Variants in CDH6 observed in about 807,000 individuals in gnomAD.
CDH6 encodes the protein cadherin-6.
A neutral mutation model predicts 78.0 loss-of-function variants in CDH6; 31 were observed. The observed-to-expected ratio is 0.40, with a 90% CI of 0.30 to 0.54. The LOEUF (loss-of-function observed/expected upper bound fraction) is 0.54, where lower values mean the gene tolerates loss of function less well. Among genes scored for constraint, CDH6 ranks in the 20% least tolerant of loss-of-function variants. CDH6 has a pLI of 0.56. For synonymous variants in CDH6, 376 were observed against 368.8 expected (o/e 1.02, Z -0.23); for missense variants, 724 against 975.9 (o/e 0.74, Z 3.44).
intron 1 of CDH6, among the ~76,000 whole-genome samples, chr5:31,228,447 T>C (rs1380067859): frequency 6.6e-6 from 1 of 152,170 alleles, no homozygotes; most frequent in African/African-American, 2.4e-5. Context: ...TTCCAAACTT[T>C]GTGGAATGGA....
At chr5:31,277,799 A>C (rs1248310383) in intron 2 of CDH6, among the ~76,000 whole-genome samples, 1 of 152,230 alleles carries the variant, frequency 6.6e-6, no homozygotes, top group African/African-American at 2.4e-5. Flanking sequence ...TACTTGAATT[A>C]AGCTACAGTG....
intron 7 of CDH6, among the ~76,000 whole-genome samples, chr5:31,309,449 G>A (rs1416882470): frequency 4.6e-5 from 7 of 152,090 alleles, no homozygotes; most frequent in African/African-American, 1.2e-4. Flanking sequence ...ATAATTCCAC[G>A]TATATCTGCC....
intron 1 of CDH6, among the ~76,000 whole-genome samples, chr5:31,259,241 G>T (rs998646820): frequency 4.6e-5 from 7 of 152,142 alleles, no homozygotes; most frequent in African/African-American, 1.7e-4. Flanking sequence ...AACACTTTAT[G>T]CAAGTATTAG....
rs535229045 is a variant in CDH6 at position 31,297,692 on chromosome 5, G to T, written c.643+284G>T. ...GAAGCTAAAAGGTAAACCCCTTTTTGATAGTATTGGCCTGTTTACAGATAT... is the reference window on the plus strand; with the variant it reads ...GAAGCTAAAAGGTAAACCCCTTTTTTATAGTATTGGCCTGTTTACAGATAT... On this transcript the variant is annotated intron_variant, in intron 4 of 11. Transcript: ENST00000265071. 3.3e-5 allele frequency among the ~76,000 whole-genome samples: 5 copies of T among 152,144 alleles called. No homozygotes were observed. The East Asian group carries it at 7.7e-4, about 23-fold the overall frequency.
At chr5:31,292,218 G>A (rs544813293) in intron 2 of CDH6, among the ~76,000 whole-genome samples, 1 of 152,054 alleles carries the variant, frequency 6.6e-6, no homozygotes, top group African/African-American at 2.4e-5. Context: ...CTGGTATGGG[G>A]GATATCGATA....
intron 6 of CDH6, 67 bp downstream of exon 6, chr5:31,302,365 AG>A: frequency 8.8e-7 from 1 of 1,135,072 alleles, no homozygotes; most frequent in African/African-American, 1.5e-5. Context: ...CTAAGTTACC[AG>A]GGGCAATTAT....
intron 1 of CDH6, among the ~76,000 whole-genome samples, chr5:31,241,198 ACT>A (rs1029214387): frequency 3.9e-5 from 6 of 152,066 alleles, no homozygotes; most frequent in South Asian, 2.1e-4. Flanking sequence ...GGCCATCAAT[ACT>A]CTCTGTGTGG....
chr5:31,216,876 G>T (rs531898459), intron 1 of CDH6, among the ~76,000 whole-genome samples: 3 of 152,084 alleles, frequency 2.0e-5, no homozygotes, highest in Admixed American at 6.6e-5. Context: ...ATGAAGTTTA[G>T]AAATATGTGA....
At chr5:31,302,363 C>G (rs1482134695) in intron 6 of CDH6, 65 bp downstream of exon 6, 1 of 1,169,698 alleles carries the variant, frequency 8.5e-7, no homozygotes, top group Non-Finnish European at 1.2e-6. Flanking sequence ...TCCTAAGTTA[C>G]CAGGGGCAAT....
At chr5:31,199,186 C>T (rs1240204532) in intron 1 of CDH6, among the ~76,000 whole-genome samples, 2 of 151,686 alleles carry the variant, frequency 1.3e-5, no homozygotes, top group Admixed American at 6.6e-5. Context: ...GACAGCAACC[C>T]CTCACCTCTT....
chr5:31,199,685 G>GTATATTTA (rs1740291154), intron 1 of CDH6, among the ~76,000 whole-genome samples: 1 of 79,852 alleles, frequency 1.3e-5, no homozygotes, highest in Admixed American at 1.5e-4. Context: ...GTGTGTGTGT[G>GTATATTTA]TATATATATA....
intron 1 of CDH6, among the ~76,000 whole-genome samples, chr5:31,211,663 G>GT (rs561287034): frequency 5.3e-5 from 8 of 151,658 alleles, no homozygotes; most frequent in South Asian, 4.2e-4. Flanking sequence ...TTCTGGGGTT[G>GT]TTTTTTTTCA....
intron 1 of CDH6, among the ~76,000 whole-genome samples, chr5:31,202,335 C>T (rs548955693): frequency 2.0e-5 from 3 of 152,220 alleles, no homozygotes; most frequent in Admixed American, 6.5e-5. Context: ...TACTAGCATC[C>T]ACTTTAAAAT....
intron 1 of CDH6, among the ~76,000 whole-genome samples, chr5:31,237,497 T>C (rs1220899949): frequency 1.3e-5 from 2 of 152,218 alleles, no homozygotes; most frequent in East Asian, 1.9e-4. Flanking sequence ...CTCTATCTTA[T>C]GTAAGGAGGT....
intron 2 of CDH6, among the ~76,000 whole-genome samples, chr5:31,274,695 C>T (rs1381321311): frequency 1.3e-5 from 2 of 152,216 alleles, no homozygotes; most frequent in African/African-American, 4.8e-5. Context: ...TAGCGCATGC[C>T]TGGAATCCCA....
chr5:31,311,738 T>A (rs551072303), intron 7 of CDH6, among the ~76,000 whole-genome samples: 2 of 152,214 alleles, frequency 1.3e-5, no homozygotes, highest in South Asian at 2.1e-4. Context: ...TTTTAAACCA[T>A]CAGATCTCAT....
At chr5:31,208,285 C>T (rs1466785360) in intron 1 of CDH6, among the ~76,000 whole-genome samples, 2 of 152,204 alleles carry the variant, frequency 1.3e-5, no homozygotes, top group Non-Finnish European at 2.9e-5. Context: ...GTTTTATGCC[C>T]TGGGCTTAGA....
At chr5:31,258,144 C>T (rs955394473) in intron 1 of CDH6, among the ~76,000 whole-genome samples, 1 of 152,094 alleles carries the variant, frequency 6.6e-6, no homozygotes, top group East Asian at 1.9e-4. Context: ...TAGGTATATA[C>T]CCAAATGATT....
Position 31,294,351 on chromosome 5 carries a change from A to G in CDH6, c.523+95A>G, listed in dbSNP as rs149774526. 3.6e-5 allele frequency: 34 copies of G among 940,766 alleles called. No homozygotes were observed. The African/African-American group carries it at 4.4e-4, about 12-fold the overall frequency. The allele number at this position is 940,766 out of a possible 1,614,324, so 58.3% of individuals were successfully genotyped here. ...GAGCTCAAAGTACTGAACTGCATGA[A>G]TTTAGATGCTAACTTCTTCAATCCA... On this transcript the variant is annotated intron_variant, in intron 3 of 11. Transcript: ENST00000265071. This position sits in a 1 kb window ranked among gnomAD's most constrained non-coding sequence, Gnocchi z 4.1.
Sources: gnomAD v4.1 joint callset for allele counts (sites outside exome capture counted in the v4.1 genomes callset) on GRCh38, gnomAD v4.1.1 for gene constraint, Gnocchi (gnomAD v3.1) non-coding constraint, MANE v1.5 for transcripts, NCBI Gene and HGNC (gene_info 2026-07-23, HGNC 2026-07-21) for gene names.